FBXO34: variants seen among roughly 807,000 people sequenced by gnomAD.
The protein encoded by FBXO34 is F-box protein 34.
FBXO34 carries 12 observed loss-of-function variants against 24.5 expected under a neutral mutation model. That is an observed-to-expected ratio of 0.49 (90% confidence interval 0.31 to 0.79). The LOEUF (loss-of-function observed/expected upper bound fraction) is 0.79, where lower values mean the gene tolerates loss of function less well. FBXO34 is among the 30% of genes least tolerant of loss of function. FBXO34 has a pLI of 0.04. For missense variants in FBXO34, 823 were observed against 857.7 expected, an observed-to-expected ratio of 0.96 and a Z score of 0.51; for synonymous variants, 320 against 311.9, an observed-to-expected ratio of 1.03 and a Z score of -0.27.
the FBXO34 span, chr14:55,382,029 G>C: frequency 6.2e-7 from 1 of 1,614,126 alleles, no homozygotes; most frequent in Non-Finnish European, 8.5e-7. Flanking sequence ...CATTGTTAGG[G>C]AGGCTAATCC....
At chr14:55,309,413 C>A (rs1179335845) in intron 1 of FBXO34, among the ~76,000 whole-genome samples, 2 of 152,102 alleles carry the variant, frequency 1.3e-5, no homozygotes, top group African/African-American at 2.4e-5. Flanking sequence ...CTAGATAGAG[C>A]AAAATGATGA....
intron 1 of FBXO34, among the ~76,000 whole-genome samples, chr14:55,275,973 TA>T (rs33917608): frequency 0.53 from 79,802 of 151,886 alleles, 22,687 homozygotes; most frequent in African/African-American, 0.76. Context: ...AGGGCCTAGA[TA>T]ACCACAGATT....
chr14:55,274,657 GTTATT>G lies in FBXO34; in HGVS notation c.-11+3126_-11+3130del, dbSNP rs201255714. Among the ~76,000 whole-genome samples, 1,039 of 152,178 alleles carry G rather than the reference GTTATT, an allele frequency of 6.8e-3. 4 individuals carry two copies. The highest frequency in any genetic ancestry group is 0.01 in the Non-Finnish European group (709 of 67,988). ...TCCTCAGGATATGTTTATTGGATCA[GTTATT>G]TTATTAACATTTAGAATTTAAATTC... On this transcript the variant is annotated intron_variant, in intron 1 of 1. Transcript: ENST00000313833.
chr14:55,315,597 C>T (rs1882900360), intron 1 of FBXO34, among the ~76,000 whole-genome samples: 1 of 152,158 alleles, frequency 6.6e-6, no homozygotes, highest in African/African-American at 2.4e-5. Context: ...TTACTCTGTT[C>T]TTACTCTTAA....
At chr14:55,288,767 A>G (rs1157342562) in intron 1 of FBXO34, among the ~76,000 whole-genome samples, 2 of 152,144 alleles carry the variant, frequency 1.3e-5, no homozygotes, top group African/African-American at 4.8e-5. Flanking sequence ...AAAAATATAT[A>G]GGGCCGGGCA....
the FBXO34 span, among the ~76,000 whole-genome samples, chr14:55,383,985 G>A: frequency 1.1e-4 from 16 of 152,140 alleles, no homozygotes; most frequent in Non-Finnish European, 1.6e-4. Context: ...CTTGGCCAGT[G>A]GTTCTTCGTA....
the FBXO34 span, chr14:55,397,235 C>A: frequency 1.3e-6 from 1 of 792,674 alleles, no homozygotes. Context: ...CACATGCACT[C>A]CTTTCCTACA....
chr14:55,409,349 T>C, the FBXO34 span, among the ~76,000 whole-genome samples: 3 of 152,204 alleles, frequency 2.0e-5, no homozygotes, highest in Non-Finnish European at 2.9e-5. Context: ...GTTTCTACTA[T>C]GTGAGAATAC....
At chr14:55,386,132 G>A in the FBXO34 span, 76 of 1,558,574 alleles carry the variant, frequency 4.9e-5, no homozygotes, top group African/African-American at 4.7e-4. Flanking sequence ...AATTATCTCT[G>A]CAAACAGTTC....
the FBXO34 span, chr14:55,435,845 A>AC: frequency 6.4e-7 from 1 of 1,552,130 alleles, no homozygotes; most frequent in East Asian, 2.4e-5. Flanking sequence ...GAGAAATGTT[A>AC]CCTTTGGGTT....
intron 1 of FBXO34, among the ~76,000 whole-genome samples, chr14:55,287,915 A>T (rs1174087716): frequency 6.6e-6 from 1 of 152,198 alleles, no homozygotes; most frequent in Non-Finnish European, 1.5e-5. Flanking sequence ...CTGTGTTAAC[A>T]ATGTCATCTT....
intron 1 of FBXO34, among the ~76,000 whole-genome samples, chr14:55,291,257 T>TA (rs964473181): frequency 2.9e-4 from 44 of 151,038 alleles, no homozygotes; most frequent in Admixed American, 1.8e-3. Flanking sequence ...ATTTCATAGG[T>TA]AAAAAAATGA....
chr14:55,443,009 C>A, the FBXO34 span, among the ~76,000 whole-genome samples: 1 of 152,178 alleles, frequency 6.6e-6, no homozygotes, highest in Admixed American at 6.5e-5. Context: ...GACTTCCAGC[C>A]TCCAGAACTG....
chr14:55,435,993 A>AAG, the FBXO34 span: 2 of 1,127,018 alleles, frequency 1.8e-6, no homozygotes, highest in Non-Finnish European at 2.5e-6. Flanking sequence ...AAAAAAAAAA[A>AAG]GACAACTTAT....
downstream of FBXO34, among the ~76,000 whole-genome samples, chr14:55,364,190 C>T (rs1272550802): frequency 5.9e-5 from 9 of 151,984 alleles, no homozygotes; most frequent in East Asian, 1.7e-3. Flanking sequence ...CTCAGGTGAT[C>T]CACCTGCCTT....
intron 1 of FBXO34, chr14:55,282,719 A>G (rs1274602589): frequency 6.6e-6 from 1 of 152,124 alleles, no homozygotes; most frequent in Non-Finnish European, 1.5e-5. Context: ...TAACTTAGAC[A>G]CTTTTTAGCA....
At chr14:55,423,410 A>G in the FBXO34 span, among the ~76,000 whole-genome samples, 2 of 151,994 alleles carry the variant, frequency 1.3e-5, no homozygotes, top group South Asian at 2.1e-4. Flanking sequence ...GTCCACACTA[A>G]TATCATAATT....
At chr14:55,306,948 G>A (rs1345638837) in intron 1 of FBXO34, among the ~76,000 whole-genome samples, 3 of 152,188 alleles carry the variant, frequency 2.0e-5, no homozygotes, top group African/African-American at 7.2e-5. Context: ...AGGAGGAAGG[G>A]AACTTAGCAT....
Position 55,351,308 on chromosome 14 carries a change from C to A in FBXO34, c.918C>A (p.Asn306Lys). The A allele has an allele frequency of 6.2e-7, 1 of 1,614,212 alleles. No individual in the cohort carries two copies. The highest frequency in any genetic ancestry group is 1.3e-5 in the African/African-American group (1 of 75,038). ...QREPGSLSRN[N>K]SFRRNVGRVL... ...AGCCTGGGAGCCTCTCAAGGAATAA[C>A]AGCTTCCGTCGAAATGTGGGCAGAG... Residue 306 changes from asparagine to lysine, a missense_variant, in exon 2 of 2, where the codon AAC becomes AAA. Physicochemically the swap from Asn to Lys is moderately conservative, Grantham distance 94. Coordinates refer to ENST00000313833, the MANE Select transcript of FBXO34 (RefSeq NM_017943.4).
Sources: gnomAD v4.1 joint callset for allele counts (sites outside exome capture counted in the v4.1 genomes callset) on GRCh38, gnomAD v4.1.1 for gene constraint, MANE v1.5 for transcripts, NCBI Gene and HGNC (gene_info 2026-07-23, HGNC 2026-07-21) for gene names.